Variants in ANK3 observed in about 807,000 individuals in gnomAD.
The protein encoded by ANK3 is ankyrin 3.
In ANK3, 57 loss-of-function variants were observed where a neutral mutation model predicts 370.9. The ratio of observed to expected loss-of-function variants is 0.15; its 90% confidence interval spans 0.12 to 0.19. The LOEUF is 0.19. Among genes scored for constraint, ANK3 ranks in the 10% least tolerant of loss-of-function variants. ANK3 has a pLI of 1.00. For missense variants in ANK3, 4,439 were observed against 5,302.1 expected, an observed-to-expected ratio of 0.84 and a Z score of 5.06; for synonymous variants, 1,929 against 1,946.3, an observed-to-expected ratio of 0.99 and a Z score of 0.23.
rs192541908 is a variant in ANK3, at chr10:60,575,407, G to A, written c.96+39779C>T. Among the ~76,000 whole-genome samples the A allele has an allele frequency of 5.4e-3, 824 of 152,130 alleles. 3 individuals are homozygous for A. The highest frequency in any genetic ancestry group is 8.5e-3 in the Non-Finnish European group (579 of 67,974). ...TTCTACAAAAGATCATTTTAAGAAG[G>A]AATTATTCTTCCTGATGAGGAACTT... On this transcript the variant is annotated intron_variant, in intron 2 of 43. Coordinates refer to the ANK3 transcript ENST00000373827.
At chr10:60,501,143 C>T (rs569201284) in intron 2 of ANK3, among the ~76,000 whole-genome samples, 2 of 152,222 alleles carry the variant, frequency 1.3e-5, no homozygotes, top group South Asian at 4.1e-4. Flanking sequence ...CCCAAATCAA[C>T]ATAACCCTGA....
intron 2 of ANK3, among the ~76,000 whole-genome samples, chr10:60,423,275 A>T (rs1047324156): frequency 2.6e-5 from 4 of 151,920 alleles, no homozygotes; most frequent in Admixed American, 6.6e-5. Context: ...TCTGCACATC[A>T]CCTTCCTTTA....
intron 1 of ANK3, among the ~76,000 whole-genome samples, chr10:60,632,636 CAGCTACTCAAGAAGCTGA>C (rs1332671359): frequency 6.6e-6 from 1 of 152,004 alleles, no homozygotes; most frequent in East Asian, 1.9e-4. Context: ...CCTATGGTCC[CAGCTACTCAAGAAGCTGA>C]AGCAGGAACA....
intron 1 of ANK3, among the ~76,000 whole-genome samples, chr10:60,382,512 T>C (rs1291227202): frequency 6.6e-6 from 1 of 152,086 alleles, no homozygotes; most frequent in East Asian, 1.9e-4. Flanking sequence ...TAATGGACGA[T>C]CCCATTTCAT....
chr10:60,516,720 T>C (rs2133173326), intron 2 of ANK3, among the ~76,000 whole-genome samples: 1 of 152,234 alleles, frequency 6.6e-6, no homozygotes, highest in Non-Finnish European at 1.5e-5. Context: ...TGAACTATGA[T>C]TGTGCCTGTG....
chr10:60,399,119 T>G (rs550167900), intron 2 of ANK3, among the ~76,000 whole-genome samples: 1 of 152,282 alleles, frequency 6.6e-6, no homozygotes, highest in African/African-American at 2.4e-5. Context: ...AGAAAATGCA[T>G]AATCTTTTTA....
At chr10:60,520,651 A>G (rs555648670) in intron 2 of ANK3, among the ~76,000 whole-genome samples, 1 of 152,226 alleles carries the variant, frequency 6.6e-6, no homozygotes, top group African/African-American at 2.4e-5. Context: ...TCTAGGTCAT[A>G]AACTTCTCCA....
At chr10:60,573,179 A>T (rs899431406) in intron 2 of ANK3, among the ~76,000 whole-genome samples, 2 of 151,918 alleles carry the variant, frequency 1.3e-5, no homozygotes, top group African/African-American at 4.8e-5. Context: ...GAGACCTACC[A>T]CTACTGGAGA....
intron 2 of ANK3, among the ~76,000 whole-genome samples, chr10:60,442,814 G>T (rs1286118590): frequency 1.3e-5 from 2 of 152,192 alleles, no homozygotes; most frequent in African/African-American, 4.8e-5. Flanking sequence ...CTATGCAGCA[G>T]TTGTTGTTAT....
At chr10:60,083,383 G>C in intron 33 of ANK3, 109 bp downstream of exon 33, 1 of 1,211,640 alleles carries the variant, frequency 8.3e-7, no homozygotes, top group Non-Finnish European at 1.2e-6. Context: ...TATGAGTTCA[G>C]ATTTGACGGG....
chr10:60,369,347 A>G (rs1319345624), intron 1 of ANK3, among the ~76,000 whole-genome samples: 1 of 152,194 alleles, frequency 6.6e-6, no homozygotes, highest in African/African-American at 2.4e-5. Flanking sequence ...GAATGCAACT[A>G]GAAGCTCAAC....
chr10:60,306,697 TA>T (rs1027680296), intron 1 of ANK3, among the ~76,000 whole-genome samples: 3 of 152,158 alleles, frequency 2.0e-5, no homozygotes, highest in Admixed American at 6.5e-5. Context: ...ACCAGCAGTG[TA>T]AAAGTGTTGA....
At chr10:60,251,024 C>T (rs929392359) in intron 7 of ANK3, among the ~76,000 whole-genome samples, 3 of 152,140 alleles carry the variant, frequency 2.0e-5, no homozygotes, top group African/African-American at 7.2e-5. Context: ...GCACTAGCTC[C>T]ACTAGTTTGT....
At chr10:60,589,715 G>A (rs970757208) in intron 2 of ANK3, among the ~76,000 whole-genome samples, 1 of 152,184 alleles carries the variant, frequency 6.6e-6, no homozygotes, top group Non-Finnish European at 1.5e-5. Flanking sequence ...AAATAATCTT[G>A]TAATTCTTTC....
At chr10:60,707,966 C>T (rs1402199015) in intron 1 of ANK3, among the ~76,000 whole-genome samples, 5 of 152,158 alleles carry the variant, frequency 3.3e-5, no homozygotes, top group African/African-American at 7.2e-5. Flanking sequence ...GTGCGCTTCC[C>T]GCCTCACAAA....
At chr10:60,111,040 T>C (rs1314145861) in intron 26 of ANK3, among the ~76,000 whole-genome samples, 3 of 152,190 alleles carry the variant, frequency 2.0e-5, no homozygotes, top group African/African-American at 7.2e-5. Flanking sequence ...AAATGCTTAC[T>C]GAATGAACCA....
At chr10:60,173,064 G>T in intron 19 of ANK3, 24 bp downstream of exon 19, 1 of 1,607,398 alleles carries the variant, frequency 6.2e-7, no homozygotes, top group Non-Finnish European at 8.5e-7. Context: ...GATTCTGGCA[G>T]AAACAAAAAA....
chr10:60,357,954 TG>T lies in ANK3; in HGVS notation c.114+31470del, dbSNP rs2058025383. Among the ~76,000 whole-genome samples, 4 of 152,298 alleles carry T rather than the reference TG, an allele frequency of 2.6e-5. No individual in the cohort carries two copies. The South Asian group carries it at 8.3e-4, about 32-fold the overall frequency. On this transcript the variant is annotated intron_variant, in intron 1 of 43. Coordinates refer to ENST00000280772, the MANE Select transcript of ANK3 (RefSeq NM_020987.5). ...GGGTGCTAACTTCCTCACATCATTC[TG>T]GGCTTCTCTTGCCCTCTCAAAAACT...
intron 1 of ANK3, among the ~76,000 whole-genome samples, chr10:60,312,654 C>T (rs2046594273): frequency 6.6e-6 from 1 of 152,218 alleles, no homozygotes; most frequent in Non-Finnish European, 1.5e-5. Flanking sequence ...TGTTCAAAGT[C>T]ACACAGCTTG....
Sources: gnomAD v4.1 joint callset for allele counts (sites outside exome capture counted in the v4.1 genomes callset) on GRCh38, gnomAD v4.1.1 for gene constraint, MANE v1.5 for transcripts, NCBI Gene and HGNC (gene_info 2026-07-23, HGNC 2026-07-21) for gene names.